Variants in UCHL5 observed in about 807,000 individuals in gnomAD.
The protein encoded by UCHL5 is ubiquitin C-terminal hydrolase L5, also known as ubiquitin carboxyl-terminal hydrolase isozyme L5.
In UCHL5, 34 loss-of-function variants were observed where a neutral mutation model predicts 53.8. That is an observed-to-expected ratio of 0.63 (90% CI 0.48 to 0.84). UCHL5 has a LOEUF of 0.84. Among genes scored for constraint, UCHL5 ranks in the 40% least tolerant of loss-of-function variants. The pLI is 0.00. For synonymous variants in UCHL5, 111 were observed against 126.3 expected, an observed-to-expected ratio of 0.88 and a Z score of 0.81; for missense variants, 290 against 385.6, an observed-to-expected ratio of 0.75 and a Z score of 2.08.
rs1657696068 is a variant in UCHL5, at chr1:193,022,986, T to G, written c.783A>C (p.Ser261=). The G allele has an allele frequency of 6.2e-7, 1 of 1,613,314 alleles. No homozygotes were observed. The highest frequency in any genetic ancestry group is 8.5e-7 in the Non-Finnish European group (1 of 1,179,654). ...TAAGCATCTGATTTTTGGCAACTTC[T>G]GACTGAATAGCACTTAACATACTAT... is the stretch of plus-strand genomic sequence containing the variant. ...QGNSMLSAIQ[S]EVAKNQMLIE... is the part of the protein sequence containing the mutation. The change falls in exon 9 of 11, where the codon TCA becomes TCC. Residue 261 remains serine, a synonymous_variant. Transcript: ENST00000367454.
chr1:193,031,819 G>GTT (rs1429968176), intron 3 of UCHL5, among the ~76,000 whole-genome samples: 3 of 152,120 alleles, frequency 2.0e-5, no homozygotes, highest in Non-Finnish European at 4.4e-5. Context: ...TGAAAGAACT[G>GTT]TAACTCACGT....
At chr1:193,059,694 T>G (rs1315730813), upstream of UCHL5, 1 of 1,358,290 alleles carries the variant, frequency 7.4e-7, no homozygotes, top group East Asian at 4.6e-5. The surrounding 1 kb of genome is among the most constrained non-coding windows in gnomAD (Gnocchi z 4.9). Flanking sequence ...CCCGTCAGGC[T>G]GCCTTCTTTT....
intron 1 of UCHL5, among the ~76,000 whole-genome samples, chr1:193,054,683 C>T (rs527327406): frequency 1.3e-5 from 2 of 152,178 alleles, no homozygotes; most frequent in African/African-American, 4.8e-5. Flanking sequence ...GCACCATATG[C>T]ACCCCAAGAC....
intron 9 of UCHL5, among the ~76,000 whole-genome samples, 179 bp from the exon 10 acceptor site, chr1:193,021,374 G>A (rs1022059238): frequency 2.0e-5 from 3 of 152,158 alleles, no homozygotes; most frequent in Non-Finnish European, 4.4e-5. Context: ...TGTGGAGGGA[G>A]TTTCTTGGGC....
At position 193,015,708 on chromosome 1, in the gene UCHL5, T is replaced by A. The variant is rs1414527810; in HGVS notation, c.*643A>T. ...TTGAAGCATAATACTCAGACCTTCC[T>A]GAAACAATTCTCTAATACATAAACA... On this transcript the variant is annotated 3_prime_UTR_variant, in exon 11 of 11. Transcript: ENST00000367454. 3 of 151,964 alleles carry A rather than the reference T, an allele frequency of 2.0e-5. No individual in the cohort carries two copies. The highest frequency in any genetic ancestry group is 4.4e-5 in the Non-Finnish European group (3 of 67,904). The allele number at this position is 151,964 out of a possible 1,614,324, so 9.4% of individuals were successfully genotyped here. A position where few individuals can be genotyped will look rare whatever the true frequency, so the allele number is the denominator to read the frequency against.
chr1:193,020,988 G>A lies in UCHL5; in HGVS notation c.942+109C>T, dbSNP rs746772354. 361 of 734,636 alleles carry A rather than the reference G, an allele frequency of 4.9e-4. 1 individual carries two copies. The highest frequency in any genetic ancestry group is 7.3e-4 in the Non-Finnish European group (326 of 447,510). The allele number at this position is 734,636 out of a possible 1,614,324, so 45.5% of individuals were successfully genotyped here. On this transcript the variant is annotated intron_variant, in intron 10 of 10. Transcript: ENST00000367454. Reference sequence around the variant, plus strand: ...GAGGCAAAAGCAAAAGAATAAAAACGTACAAGCTTCCAAAAATTTTACCTC... The same window carrying A: ...GAGGCAAAAGCAAAAGAATAAAAACATACAAGCTTCCAAAAATTTTACCTC...
At chr1:193,044,380 G>A (rs546464553) in intron 3 of UCHL5, among the ~76,000 whole-genome samples, 46 of 152,208 alleles carry the variant, frequency 3.0e-4, no homozygotes, top group Non-Finnish European at 4.6e-4. Flanking sequence ...ATGATTTTAA[G>A]CAAGTAAATC....
chr1:193,021,983 T>C (rs1465679296), intron 9 of UCHL5, among the ~76,000 whole-genome samples: 1 of 152,228 alleles, frequency 6.6e-6, no homozygotes, highest in Non-Finnish European at 1.5e-5. Flanking sequence ...TTTGGGCAGA[T>C]ATTAAAAGTT....
chr1:193,046,344 T>C (rs1452876208), intron 3 of UCHL5, among the ~76,000 whole-genome samples: 15 of 152,090 alleles, frequency 9.9e-5, no homozygotes, highest in Admixed American at 9.8e-4. Flanking sequence ...TTATTTAGAC[T>C]AGGGAAATAA....
At chr1:193,052,439 T>G (rs1669350354) in intron 1 of UCHL5, among the ~76,000 whole-genome samples, 1 of 151,512 alleles carries the variant, frequency 6.6e-6, no homozygotes, top group African/African-American at 2.5e-5. Flanking sequence ...CTAGCAACTA[T>G]TTGGTAGAGG....
At chr1:193,022,450 A>G (rs1454895924) in intron 9 of UCHL5, among the ~76,000 whole-genome samples, 1 of 152,190 alleles carries the variant, frequency 6.6e-6, no homozygotes, top group Admixed American at 6.5e-5. Context: ...ACTTGAGGTC[A>G]GGAGTTCAAG....
At chr1:193,018,813 TA>T in intron 10 of UCHL5, 1 of 1,564,048 alleles carries the variant, frequency 6.4e-7, no homozygotes, top group Non-Finnish European at 8.7e-7. Flanking sequence ...TCTTTTATCC[TA>T]TTTTCCCTGA....
At chr1:193,059,538 C>T (rs754838839), upstream of UCHL5, 77 of 1,554,100 alleles carry the variant, frequency 5.0e-5, 1 homozygote, top group Middle Eastern at 1.2e-3. The surrounding 1 kb of genome is among the most constrained non-coding windows in gnomAD (Gnocchi z 4.9). Flanking sequence ...GGCGGTGATT[C>T]ACAGCGCCGA....
intron 3 of UCHL5, among the ~76,000 whole-genome samples, chr1:193,046,246 G>T (rs961810532): frequency 6.6e-6 from 1 of 151,750 alleles, no homozygotes. Context: ...GCCCAGGCTG[G>T]TCTCAAACTC....
chr1:193,033,404 C>T (rs540796990), intron 3 of UCHL5, among the ~76,000 whole-genome samples: 26 of 152,098 alleles, frequency 1.7e-4, no homozygotes, highest in Admixed American at 1.7e-3. Flanking sequence ...GGAGGGATAG[C>T]ATTAGGAGAA....
intron 1 of UCHL5, among the ~76,000 whole-genome samples, chr1:193,057,115 G>A (rs1571978777): frequency 1.3e-5 from 2 of 152,304 alleles, no homozygotes; most frequent in East Asian, 3.9e-4. Flanking sequence ...CTGCAGACAT[G>A]TCAAACTCAG....
chr1:193,057,503 T>C (rs996048087), intron 1 of UCHL5: 3 of 152,310 alleles, frequency 2.0e-5, no homozygotes, highest in Admixed American at 1.3e-4. Context: ...CTCCAACCAT[T>C]TTAAGAGATG....
chr1:193,043,331 T>C (rs1666339092), intron 3 of UCHL5, among the ~76,000 whole-genome samples: 1 of 152,042 alleles, frequency 6.6e-6, no homozygotes, highest in African/African-American at 2.4e-5. Flanking sequence ...CTGTACCTTT[T>C]ACTAGTCTTA....
At chr1:193,055,388 C>G (rs1214076143) in intron 1 of UCHL5, among the ~76,000 whole-genome samples, 1 of 152,200 alleles carries the variant, frequency 6.6e-6, no homozygotes, top group African/African-American at 2.4e-5. Flanking sequence ...TACAGCCTCA[C>G]TACTTGTGCA....
Sources: allele counts gnomAD v4.1 joint callset (sites outside exome capture counted in the v4.1 genomes callset), GRCh38; gene constraint gnomAD v4.1.1; non-coding constraint Gnocchi (gnomAD v3.1); transcripts MANE v1.5; gene names NCBI Gene and HGNC (gene_info 2026-07-23, HGNC 2026-07-21).